The following SRSF12 variants were observed in gnomAD, a reference collection of about 807,000 sequenced individuals.
SRSF12 encodes the protein serine/arginine-rich splicing factor 12.
A neutral mutation model predicts 34.1 loss-of-function variants in SRSF12; 21 were observed. The observed-to-expected ratio is 0.62, with a 90% CI of 0.44 to 0.89. SRSF12 has a LOEUF of 0.89. Among genes scored for constraint, SRSF12 ranks in the 40% least tolerant of loss-of-function variants. SRSF12 has a pLI of 0.00. For synonymous variants in SRSF12, 111 were observed against 110.8 expected, an observed-to-expected ratio of 1.00 and a Z score of -0.01; for missense variants, 278 against 327.8, an observed-to-expected ratio of 0.85 and a Z score of 1.17.
In SRSF12 at chr6:89,097,990, T is replaced by C. The variant is rs1395899888; in HGVS notation, c.*588A>G. ...TCATGTCAACTTACCTATACTGTTCTACCCAATAAAAATATAACCTTTGAG... is the reference window on the plus strand; with the variant it reads ...TCATGTCAACTTACCTATACTGTTCCACCCAATAAAAATATAACCTTTGAG... On this transcript the variant is annotated 3_prime_UTR_variant, in exon 5 of 5. Coordinates refer to ENST00000452027, the MANE Select transcript of SRSF12 (RefSeq NM_080743.5). The C allele has an allele frequency of 1.3e-5, 2 of 152,288 alleles. No homozygotes were observed. The highest frequency in any genetic ancestry group is 2.9e-5 in the Non-Finnish European group (2 of 68,124). 9.4% of individuals were successfully genotyped at this position (152,288 alleles called of 1,614,324 possible).
rs1339699850 is a variant in SRSF12, at chr6:89,099,557, C to T, written c.417-610G>A. Among the ~76,000 whole-genome samples, 336 of 129,124 alleles carry T rather than the reference C, an allele frequency of 2.6e-3. 4 individuals are homozygous for T. Among genetic ancestry groups the T allele is most frequent in the African/African-American group, 8.6e-3 (293 of 34,124 alleles). 84.7% of individuals were successfully genotyped at this position (129,124 alleles called of 152,430 possible). On this transcript the variant is annotated intron_variant, in intron 4 of 4. Coordinates refer to ENST00000452027, the MANE Select transcript of SRSF12 (RefSeq NM_080743.5). ...ATACATGTTTTTTTTTTTTTTGAGA[C>T]GGAGTTTCGCTCTTGTTGCCCAGGC... is the stretch of plus-strand genomic sequence containing the variant.
At position 89,116,349 on chromosome 6, in the gene SRSF12, G is replaced by T. The variant is rs941329845; in HGVS notation, c.65+1474C>A. The stretch of plus-strand genomic sequence containing the variant: ...TAATTCTGCCCAAATCATAAATTAT[G>T]TTCGTGTTTTCTATGTAATATATTG... On this transcript the variant is annotated intron_variant, in intron 1 of 4. Transcript: ENST00000452027. Among the ~76,000 whole-genome samples the T allele has an allele frequency of 2.6e-5, 4 of 152,154 alleles. No individual in the cohort carries two copies. In the East Asian group the frequency reaches 7.7e-4, roughly 29 times the overall value.
chr6:89,108,168 AGGGGTACCAAAAAAAAGAAACAGC>A (rs1768881801), intron 1 of SRSF12, among the ~76,000 whole-genome samples: 1 of 152,210 alleles, frequency 6.6e-6, no homozygotes, highest in African/African-American at 2.4e-5. Context: ...GTGCTTCAGA[AGGGGTACCAAAAAAAAGAAACAGC>A]ATGATATTCA....
chr6:89,108,537 T>C (rs6454735), intron 1 of SRSF12, among the ~76,000 whole-genome samples: 101,317 of 152,140 alleles, frequency 0.67, 34,589 homozygotes, highest in East Asian at 0.78. Context: ...GGTGCTATCA[T>C]AGGGATTCAG....
At chr6:89,110,908 G>C (rs998892406) in intron 1 of SRSF12, among the ~76,000 whole-genome samples, 1 of 152,062 alleles carries the variant, frequency 6.6e-6, no homozygotes, top group Non-Finnish European at 1.5e-5. Context: ...TTGAGCCCAG[G>C]AGTTCAAGAT....
At chr6:89,117,592 G>C (rs1325357546) in intron 1 of SRSF12, among the ~76,000 whole-genome samples, 2 of 152,166 alleles carry the variant, frequency 1.3e-5, no homozygotes, top group South Asian at 2.1e-4. Context: ...CCCGGGACAC[G>C]ATGTGCGCGG....
chr6:89,105,171 T>G lies in SRSF12; in HGVS notation c.364A>C (p.Ser122Arg). ...TTTCTTCCCCATGAAGAACTTCTAC[T>G]TCGAGTTCTTCTTTGGCTGGGGCTT... ...SRSPSQRRTR[S>R]RSSSWGRNRR... The change falls in exon 4 of 5, where the codon AGT (serine) becomes CGT (arginine). Residue 122 changes from serine (S) to arginine (R), a missense_variant. Ser to Arg is a moderately radical substitution (Grantham distance 110, BLOSUM62 -1). Coordinates refer to ENST00000452027, the MANE Select transcript of SRSF12 (RefSeq NM_080743.5). 2.5e-6 allele frequency: 4 copies of G among 1,612,494 alleles called. No individual in the cohort carries two copies. Among genetic ancestry groups the G allele is most frequent in the Non-Finnish European group, 3.4e-6 (4 of 1,179,174 alleles).
Position 89,098,406 on chromosome 6 carries a change from A to T in SRSF12, c.*172T>A. 2.5e-6 allele frequency: 2 copies of T among 805,670 alleles called. No homozygotes were observed. Among genetic ancestry groups the T allele is most frequent in the Non-Finnish European group, 3.6e-6 (2 of 560,970 alleles). 49.9% of individuals were successfully genotyped at this position (805,670 alleles called of 1,614,324 possible). ...TCATAATTTGTAGTGTGGGCCCTTT[A>T]AATGGAGACCAAATTTTTATTAATC... On this transcript the variant is annotated 3_prime_UTR_variant, in exon 5 of 5. Transcript: ENST00000452027.
intron 1 of SRSF12, among the ~76,000 whole-genome samples, chr6:89,115,702 T>C (rs1208195051): frequency 6.7e-6 from 1 of 150,278 alleles, no homozygotes; most frequent in Non-Finnish European, 1.5e-5. Flanking sequence ...AGTGGCGCGA[T>C]GTTGGCTCAC....
At chr6:89,105,095 A>C in intron 4 of SRSF12, 24 bp downstream of exon 4, 1 of 1,551,708 alleles carries the variant, frequency 6.4e-7, no homozygotes, top group Non-Finnish European at 8.7e-7. Flanking sequence ...TAGAAAATGA[A>C]ATTTTCAGTC....
chr6:89,105,359 T>TA, intron 3 of SRSF12, 68 bp downstream of exon 3: 2 of 1,561,122 alleles, frequency 1.3e-6, no homozygotes, highest in South Asian at 1.2e-5. Flanking sequence ...AATTTTAAAT[T>TA]AAAAAATCAG....
rs536411108 is a variant in SRSF12 at position 89,099,524 on chromosome 6, A to G, written c.417-577T>C. On this transcript the variant is annotated intron_variant, in intron 4 of 4. Transcript: ENST00000452027. ...TGTGTGTATATATATATACACACAC[A>G]CACACACATACATGTTTTTTTTTTT... Among the ~76,000 whole-genome samples, 4 of 135,912 alleles carry G rather than the reference A, an allele frequency of 2.9e-5. 1 individual carries two copies. The South Asian group carries it at 9.4e-4, about 32-fold the overall frequency. 89.2% of individuals were successfully genotyped at this position (135,912 alleles called of 152,430 possible).
rs1768339937 is a variant in SRSF12 at position 89,098,021 on chromosome 6, G to C, written c.*557C>G. Reference sequence around the variant, plus strand: ...ATAAAAATATAACCTTTGAGCTTAGGAGAGAATGTATCTTTTGAATGTTTG... The same window carrying C: ...ATAAAAATATAACCTTTGAGCTTAGCAGAGAATGTATCTTTTGAATGTTTG... On this transcript the variant is annotated 3_prime_UTR_variant, in exon 5 of 5. Transcript: ENST00000452027. 6.6e-6 allele frequency: 1 copy of C among 152,280 alleles called. No individual in the cohort carries two copies. Among genetic ancestry groups the C allele is most frequent in the African/African-American group, 2.4e-5 (1 of 41,426 alleles). The allele number at this position is 152,280 out of a possible 1,614,324, so 9.4% of individuals were successfully genotyped here. A position where few individuals can be genotyped will look rare whatever the true frequency, so the allele number is the denominator to read the frequency against.
Position 89,109,295 on chromosome 6 carries a change from A to C in SRSF12, c.66-2037T>G, listed in dbSNP as rs373086113. ...CAGGCAATTCTGAGACTGAAGGTTA[A>C]GAATCACTGCTAAAGCAGGTGTCTT... On this transcript the variant is annotated intron_variant, in intron 1 of 4. Coordinates refer to ENST00000452027, the MANE Select transcript of SRSF12 (RefSeq NM_080743.5). Among the ~76,000 whole-genome samples, 307 of 152,342 alleles carry C rather than the reference A, an allele frequency of 2.0e-3. 2 individuals carry two copies. Among genetic ancestry groups the C allele is most frequent in the Middle Eastern group, 0.014 (4 of 294 alleles).
At position 89,098,880 on chromosome 6, in the gene SRSF12, T is replaced by C. The variant is rs778295171; in HGVS notation, c.484A>G (p.Thr162Ala). ...SRSKSLPRRS[T>A]SARQSRTPRR... Reference sequence around the variant, plus strand: ...GGAGTTCTTGACTGCCTTGCTGAGGTAGACCGCCTTGGTAATGATTTGGAA... The same window carrying C: ...GGAGTTCTTGACTGCCTTGCTGAGGCAGACCGCCTTGGTAATGATTTGGAA... Residue 162 changes from threonine (T) to alanine (A), a missense_variant, in exon 5 of 5, where the codon ACC (threonine) becomes GCC (alanine). By Grantham distance (58) the Thr-to-Ala change is moderately conservative. Transcript: ENST00000452027. The C allele has an allele frequency of 1.4e-5, 23 of 1,613,936 alleles. No homozygotes were observed. The African/African-American group carries it at 1.9e-4, about 13-fold the overall frequency.
In SRSF12 at chr6:89,115,777, C is replaced by CAT. The variant is rs533277926; in HGVS notation, c.65+2045_65+2046insAT. ...TCAGCCTCCTGAGCAGCTGGGACTACAGGCACCCGCCACCACGCCCGTCTA... is the reference window on the plus strand; with the variant it reads ...TCAGCCTCCTGAGCAGCTGGGACTACATAGGCACCCGCCACCACGCCCGTCTA... On this transcript the variant is annotated intron_variant, in intron 1 of 4. Transcript: ENST00000452027. Among the ~76,000 whole-genome samples, 285 of 149,618 alleles carry CAT rather than the reference C, an allele frequency of 1.9e-3. 3 individuals carry two copies. Among genetic ancestry groups the CAT allele is most frequent in the African/African-American group, 6.4e-3 (258 of 40,580 alleles).
Position 89,111,110 on chromosome 6 carries a change from T to G in SRSF12, c.66-3852A>C, listed in dbSNP as rs913900480. ...CTGGGAAGACAGGGTGAGACTTGTCTTTTTTTTTTTTTTTTGGAGATGGAA... is the reference window on the plus strand; with the variant it reads ...CTGGGAAGACAGGGTGAGACTTGTCGTTTTTTTTTTTTTTTGGAGATGGAA... On this transcript the variant is annotated intron_variant, in intron 1 of 4. Coordinates refer to ENST00000452027, the MANE Select transcript of SRSF12 (RefSeq NM_080743.5). 3.5e-3 allele frequency among the ~76,000 whole-genome samples: 426 copies of G among 121,830 alleles called. 7 individuals are homozygous for G. Among genetic ancestry groups the G allele is most frequent in the East Asian group, 2.3e-3 (10 of 4,430 alleles). 79.9% of individuals were successfully genotyped at this position (121,830 alleles called of 152,430 possible). A position where few individuals can be genotyped will look rare whatever the true frequency, so the allele number is the denominator to read the frequency against.
intron 4 of SRSF12, among the ~76,000 whole-genome samples, chr6:89,101,974 T>A (rs930910919): frequency 6.6e-6 from 1 of 150,694 alleles, no homozygotes; most frequent in Non-Finnish European, 1.5e-5. Context: ...ATACTAAATA[T>A]TCACTGCCCT....
rs988225355 is a variant in SRSF12, at chr6:89,103,656, C to T, written c.416+1463G>A. 1.3e-4 allele frequency among the ~76,000 whole-genome samples: 20 copies of T among 152,220 alleles called. No homozygotes were observed. In the East Asian group the frequency reaches 3.7e-3, roughly 28 times the overall value. ...TGAATTTTTAGTAGAGACAGGATTT[C>T]ACCATATTGCTCAGGATGGTCTTGA... On this transcript the variant is annotated intron_variant, in intron 4 of 4. Coordinates refer to ENST00000452027, the MANE Select transcript of SRSF12 (RefSeq NM_080743.5).
Sources: gnomAD v4.1 joint callset for allele counts (sites outside exome capture counted in the v4.1 genomes callset) on GRCh38, gnomAD v4.1.1 for gene constraint, MANE v1.5 for transcripts, NCBI Gene and HGNC (gene_info 2026-07-23, HGNC 2026-07-21) for gene names.